ARHGAP32: variants seen among roughly 807,000 people sequenced by gnomAD.
ARHGAP32 encodes the protein rho GTPase-activating protein 32.
ARHGAP32 carries 51 observed loss-of-function variants against 186.5 expected under a neutral mutation model. The observed-to-expected ratio is 0.27, with a 90% CI of 0.22 to 0.35. The LOEUF is 0.35. Among genes scored for constraint, ARHGAP32 ranks in the 10% least tolerant of loss-of-function variants. The pLI is 1.00. For synonymous variants in ARHGAP32, 950 were observed against 964.3 expected, an observed-to-expected ratio of 0.99 and a Z score of 0.27; for missense variants, 2,186 against 2,623.5, an observed-to-expected ratio of 0.83 and a Z score of 3.64.
chr11:129,010,181 T>A (rs1254148968), intron 11 of ARHGAP32, among the ~76,000 whole-genome samples: 4 of 152,214 alleles, frequency 2.6e-5, no homozygotes, highest in Non-Finnish European at 5.9e-5. Flanking sequence ...CCCTGTAGAC[T>A]CTGGATATTA....
intron 5 of ARHGAP32, among the ~76,000 whole-genome samples, chr11:129,107,260 C>A (rs1361642117): frequency 1.3e-5 from 2 of 152,072 alleles, no homozygotes; most frequent in African/African-American, 2.4e-5. Flanking sequence ...AGATTTCCCC[C>A]AAAAAATAGA....
At chr11:129,177,263 A>G (rs972400354) in intron 1 of ARHGAP32, among the ~76,000 whole-genome samples, 1 of 152,152 alleles carries the variant, frequency 6.6e-6, no homozygotes, top group African/African-American at 2.4e-5. Flanking sequence ...TGAATAGACC[A>G]ATAACAGGAG....
intron 1 of ARHGAP32, among the ~76,000 whole-genome samples, chr11:129,180,662 T>C (rs1288788846): frequency 6.6e-6 from 1 of 152,178 alleles, no homozygotes; most frequent in Non-Finnish European, 1.5e-5. Flanking sequence ...GGACAAATTT[T>C]ATGCTTAAAG....
chr11:129,104,629 A>C (rs1016121329), intron 5 of ARHGAP32, among the ~76,000 whole-genome samples: 2 of 151,936 alleles, frequency 1.3e-5, no homozygotes, highest in African/African-American at 4.8e-5. Context: ...AGGAAGGCAT[A>C]AGGAGAGAGA....
At chr11:128,982,342 C>T (rs183027542) in intron 15 of ARHGAP32, among the ~76,000 whole-genome samples, 27 of 152,214 alleles carry the variant, frequency 1.8e-4, no homozygotes, top group Non-Finnish European at 3.2e-4. Flanking sequence ...TCCTCATATT[C>T]TGGTTTATCT....
intron 1 of ARHGAP32, among the ~76,000 whole-genome samples, chr11:129,243,180 T>G (rs1945043426): frequency 6.6e-6 from 1 of 152,188 alleles, no homozygotes; most frequent in African/African-American, 2.4e-5. Context: ...TATTTTCCAA[T>G]GTGCATTAAG....
chr11:129,126,420 T>C (rs1236428209), intron 2 of ARHGAP32, among the ~76,000 whole-genome samples: 2 of 152,230 alleles, frequency 1.3e-5, no homozygotes, highest in Non-Finnish European at 2.9e-5. Context: ...TATACTGTGT[T>C]GCCTAAACTG....
At chr11:129,244,281 A>G (rs370180798) in intron 1 of ARHGAP32, among the ~76,000 whole-genome samples, 4 of 152,238 alleles carry the variant, frequency 2.6e-5, no homozygotes, top group Admixed American at 2.6e-4. Context: ...AACTTTGTCA[A>G]CATTTAACAC....
At chr11:129,086,289 G>C (rs1941391685) in intron 6 of ARHGAP32, among the ~76,000 whole-genome samples, 1 of 152,040 alleles carries the variant, frequency 6.6e-6, no homozygotes, top group Admixed American at 6.6e-5. Context: ...ACTCAAAATG[G>C]ATCACAGACT....
intron 2 of ARHGAP32, among the ~76,000 whole-genome samples, chr11:129,143,033 GA>G (rs1223064690): frequency 3.9e-4 from 39 of 100,238 alleles, no homozygotes; most frequent in African/African-American, 1.2e-3. Context: ...CTCTTAAATA[GA>G]AAAAAAAATA....
rs532438872 is a variant in ARHGAP32, at chr11:128,996,175, A to G, written c.1195+2144T>C. The stretch of plus-strand genomic sequence containing the variant: ...AAAATGGTATTTCAAAATCGCCTAA[A>G]GATACATTTCCATGATTACAAATAA... On this transcript the variant is annotated intron_variant, in intron 12 of 22. Transcript: ENST00000682385. 5.9e-5 allele frequency among the ~76,000 whole-genome samples: 9 copies of G among 152,314 alleles called. No individual in the cohort carries two copies. The East Asian group carries it at 1.7e-3, about 29-fold the overall frequency.
chr11:129,200,517 A>G (rs2511819), intron 1 of ARHGAP32, among the ~76,000 whole-genome samples: 149,550 of 152,286 alleles, frequency 0.98, 73,437 homozygotes, highest in African/African-American at 0.99. Flanking sequence ...CTGCTCCCAC[A>G]TAAGACATGC....
intron 17 of ARHGAP32, among the ~76,000 whole-genome samples, 192 bp downstream of exon 17, chr11:128,981,224 G>T (rs2136103747): frequency 6.6e-6 from 1 of 152,158 alleles, no homozygotes; most frequent in Non-Finnish European, 1.5e-5. Context: ...ATCACAATAG[G>T]TCTCATATGT....
chr11:129,058,868 C>T (rs1400593273), intron 10 of ARHGAP32, among the ~76,000 whole-genome samples: 1 of 152,192 alleles, frequency 6.6e-6, no homozygotes, highest in African/African-American at 2.4e-5. Flanking sequence ...GAGTGTCTCC[C>T]AGGAGGAGCA....
chr11:129,056,782 G>A (rs1450124461), intron 10 of ARHGAP32, among the ~76,000 whole-genome samples: 3 of 152,154 alleles, frequency 2.0e-5, no homozygotes, highest in Non-Finnish European at 4.4e-5. Flanking sequence ...GGGCCTGGGT[G>A]TCAACAACGA....
chr11:129,058,842 T>C (rs189479874), intron 10 of ARHGAP32, among the ~76,000 whole-genome samples: 2 of 152,374 alleles, frequency 1.3e-5, no homozygotes, highest in Admixed American at 1.3e-4. Flanking sequence ...ACCATGATTG[T>C]CTTCCTCTCT....
intron 6 of ARHGAP32, among the ~76,000 whole-genome samples, chr11:129,071,834 T>C (rs1481053117): frequency 1.3e-5 from 2 of 152,148 alleles, no homozygotes; most frequent in Non-Finnish European, 2.9e-5. Context: ...ACTGGATCAG[T>C]AGATAAAAAC....
At chr11:128,978,697 T>C (rs2136095425) in intron 19 of ARHGAP32, 73 bp downstream of exon 19, 1 of 1,463,056 alleles carries the variant, frequency 6.8e-7, no homozygotes, top group Non-Finnish European at 9.1e-7. Flanking sequence ...CATAACAATA[T>C]GTGAAGAACG....
chr11:129,211,755 T>C (rs1296543063), intron 1 of ARHGAP32, among the ~76,000 whole-genome samples: 1 of 152,220 alleles, frequency 6.6e-6, no homozygotes, highest in Non-Finnish European at 1.5e-5. Flanking sequence ...TGATCAGGCA[T>C]TTACATAAGA....
Sources: allele counts gnomAD v4.1 joint callset (sites outside exome capture counted in the v4.1 genomes callset), GRCh38; gene constraint gnomAD v4.1.1; transcripts MANE v1.5; gene names NCBI Gene and HGNC (gene_info 2026-07-23, HGNC 2026-07-21).